Variants in GFRA1 observed in about 807,000 individuals in gnomAD.
GFRA1 encodes the protein GDNF family receptor alpha 1.
A neutral mutation model predicts 51.6 loss-of-function variants in GFRA1; 16 were observed. The observed-to-expected ratio is 0.31, with a 90% CI of 0.21 to 0.47. The LOEUF is 0.47. Ranked by LOEUF, GFRA1 falls within the 20% of genes least tolerant of loss-of-function variation. The pLI, the probability that GFRA1 is intolerant of heterozygous loss-of-function variation, is 1.00. For missense variants in GFRA1, 530 were observed against 594.3 expected, an observed-to-expected ratio of 0.89 and a Z score of 1.13; for synonymous variants, 270 against 241.3, an observed-to-expected ratio of 1.12 and a Z score of -1.10.
intron 5 of GFRA1, among the ~76,000 whole-genome samples, chr10:116,155,583 T>C (rs1352813025): frequency 6.6e-6 from 1 of 152,168 alleles, no homozygotes; most frequent in Non-Finnish European, 1.5e-5. Context: ...ACCACAAAAT[T>C]CACCAATTTT....
intron 5 of GFRA1, among the ~76,000 whole-genome samples, chr10:116,200,554 T>C (rs1191565501): frequency 6.6e-6 from 1 of 152,242 alleles, no homozygotes; most frequent in Non-Finnish European, 1.5e-5. Flanking sequence ...CAAAGATTTA[T>C]TTAGCGACAA....
intron 5 of GFRA1, among the ~76,000 whole-genome samples, chr10:116,206,539 G>A (rs980979918): frequency 1.4e-4 from 22 of 151,784 alleles, no homozygotes; most frequent in African/African-American, 4.8e-4. Context: ...ATCCATTGTG[G>A]ATTCCAGTAT....
chr10:116,107,498 A>G (rs1471914739), intron 6 of GFRA1, among the ~76,000 whole-genome samples: 1 of 152,238 alleles, frequency 6.6e-6, no homozygotes, highest in Non-Finnish European at 1.5e-5. Context: ...CATTAAGACC[A>G]AAGAGAAATT....
intron 9 of GFRA1, among the ~76,000 whole-genome samples, chr10:116,073,880 A>G (rs1352606131): frequency 1.3e-5 from 2 of 152,210 alleles, no homozygotes; most frequent in African/African-American, 2.4e-5. Context: ...GTTTGGAGAC[A>G]TAACGGACCA....
At chr10:116,211,443 G>C (rs1965187032) in intron 5 of GFRA1, among the ~76,000 whole-genome samples, 188 bp downstream of exon 5, 1 of 152,190 alleles carries the variant, frequency 6.6e-6, no homozygotes. Context: ...GGAAGAAGCA[G>C]AGGTTGGACA....
intron 5 of GFRA1, among the ~76,000 whole-genome samples, chr10:116,142,635 A>G (rs909362906): frequency 6.6e-6 from 1 of 152,214 alleles, no homozygotes; most frequent in African/African-American, 2.4e-5. Context: ...TGTACGTCAG[A>G]TTGCTTTGTG....
chr10:116,088,706 G>A (rs188375379), intron 9 of GFRA1, among the ~76,000 whole-genome samples: 1 of 151,950 alleles, frequency 6.6e-6, no homozygotes, highest in Non-Finnish European at 1.5e-5. Flanking sequence ...AGATCACAAG[G>A]TCGGGAGATC....
intron 5 of GFRA1, among the ~76,000 whole-genome samples, chr10:116,206,655 C>T (rs1182246013): frequency 3.0e-5 from 4 of 134,138 alleles, no homozygotes; most frequent in Admixed American, 1.6e-4. Flanking sequence ...TGAGACGGAG[C>T]CTCACTCTGT....
intron 5 of GFRA1, among the ~76,000 whole-genome samples, chr10:116,135,635 T>C (rs1033710864): frequency 6.6e-6 from 1 of 152,216 alleles, no homozygotes; most frequent in Admixed American, 6.5e-5. Context: ...ATATTAGACA[T>C]AAAAACACTC....
intron 5 of GFRA1, among the ~76,000 whole-genome samples, chr10:116,200,462 G>A (rs1006839468): frequency 2.6e-5 from 4 of 152,254 alleles, no homozygotes; most frequent in African/African-American, 9.6e-5. Flanking sequence ...CCTGGGGATA[G>A]AGACGGAGAT....
chr10:116,064,148 C>G lies in GFRA1; in HGVS notation c.*250G>C. 2.2e-6 allele frequency: 1 copy of G among 452,576 alleles called. No individual in the cohort carries two copies. The highest frequency in any genetic ancestry group is 2.4e-5 in the South Asian group (1 of 42,390). The allele number at this position is 452,576 out of a possible 1,614,324, so 28.0% of individuals were successfully genotyped here. A position where few individuals can be genotyped will look rare whatever the true frequency, so the allele number is the denominator to read the frequency against. On this transcript the variant is annotated 3_prime_UTR_variant, in exon 11 of 11. Transcript: ENST00000355422. ...TTTGCTTTACAGCCCAAGTTACAAACTGTCCCTTTAAAATACAGCATATCC... is the reference window on the plus strand; with the variant it reads ...TTTGCTTTACAGCCCAAGTTACAAAGTGTCCCTTTAAAATACAGCATATCC...
At chr10:116,194,448 G>A (rs760687024) in intron 5 of GFRA1, among the ~76,000 whole-genome samples, 4 of 152,130 alleles carry the variant, frequency 2.6e-5, no homozygotes, top group African/African-American at 7.2e-5. Flanking sequence ...TGAAGAAATC[G>A]AAAGGGAGTT....
rs58590152 is a variant in GFRA1 at position 116,088,920 on chromosome 10, CAAAAAAAAAAAAAA to C, written c.1197+807_1197+820del. ...TGGGTGACACAGCGAGACTCTGTCT[CAAAAAAAAAAAAAA>C]AAAAAAAAAAAAAAAGAATGTGAAC... On this transcript the variant is annotated intron_variant, in intron 9 of 10. Coordinates refer to ENST00000355422, the MANE Select transcript of GFRA1 (RefSeq NM_005264.8). Among the ~76,000 whole-genome samples, 9 of 49,012 alleles carry C rather than the reference CAAAAAAAAAAAAAA, an allele frequency of 1.8e-4. No individual in the cohort carries two copies. The Admixed American group carries it at 2.7e-3, about 15-fold the overall frequency. 32.2% of individuals were successfully genotyped at this position (49,012 alleles called of 152,430 possible). A position where few individuals can be genotyped will look rare whatever the true frequency, so the allele number is the denominator to read the frequency against.
At chr10:116,162,583 G>T (rs1171746580) in intron 5 of GFRA1, among the ~76,000 whole-genome samples, 1 of 152,206 alleles carries the variant, frequency 6.6e-6, no homozygotes, top group Non-Finnish European at 1.5e-5. Context: ...GGACGCGTGT[G>T]CACATACACA....
chr10:116,234,613 T>C (rs761182809), intron 4 of GFRA1, among the ~76,000 whole-genome samples: 12 of 152,210 alleles, frequency 7.9e-5, no homozygotes, highest in Non-Finnish European at 1.5e-4. Flanking sequence ...CTCTAGTATA[T>C]GCGAACATTC....
intron 5 of GFRA1, among the ~76,000 whole-genome samples, chr10:116,201,512 G>T (rs540144224): frequency 6.6e-6 from 1 of 151,906 alleles, no homozygotes; most frequent in African/African-American, 2.4e-5. Flanking sequence ...TCCTCCTCCC[G>T]CCCCTCACTC....
intron 5 of GFRA1, among the ~76,000 whole-genome samples, chr10:116,195,686 A>C (rs553601756): frequency 6.6e-6 from 1 of 152,248 alleles, no homozygotes; most frequent in Admixed American, 6.5e-5. Flanking sequence ...GGGATCTCCA[A>C]CTCCTGTTGT....
intron 4 of GFRA1, chr10:116,255,751 A>T (rs1279882940): frequency 3.9e-6 from 5 of 1,287,974 alleles, no homozygotes; most frequent in Admixed American, 4.6e-5. Flanking sequence ...ATGGCATTGC[A>T]CTCTGCACTT....
chr10:116,266,140 G>T (rs1438081799), intron 4 of GFRA1, among the ~76,000 whole-genome samples: 1 of 152,112 alleles, frequency 6.6e-6, no homozygotes, highest in Non-Finnish European at 1.5e-5. Context: ...AGTGAATGTG[G>T]GTTTGAGGAA....
Sources: allele counts gnomAD v4.1 joint callset (sites outside exome capture counted in the v4.1 genomes callset), GRCh38; gene constraint gnomAD v4.1.1; transcripts MANE v1.5; gene names NCBI Gene and HGNC (gene_info 2026-07-23, HGNC 2026-07-21).